The following TP63 variants were observed in gnomAD, a reference collection of about 807,000 sequenced individuals.
The protein encoded by TP63 is tumor protein 63.
TP63 carries 17 observed loss-of-function variants against 82.8 expected under a neutral mutation model. The ratio of observed to expected loss-of-function variants is 0.21; its 90% CI spans 0.14 to 0.31. TP63 has a LOEUF of 0.31. TP63 is among the 10% of genes least tolerant of loss of function. The pLI is 1.00. For synonymous variants in TP63, 330 were observed against 321.7 expected (o/e 1.03, Z -0.28); for missense variants, 648 against 895.3 (o/e 0.72, Z 3.52).
chr3:189,831,927 G>T (rs1460263472), intron 4 of TP63, among the ~76,000 whole-genome samples: 1 of 145,240 alleles, frequency 6.9e-6, no homozygotes, highest in Non-Finnish European at 1.5e-5. Flanking sequence ...CGCCTCCAGG[G>T]TTCAAGTGAT....
At position 189,880,411 on chromosome 3, in the gene TP63, G is replaced by A. The variant is rs546270932; in HGVS notation, c.1350-5983G>A. ...TCTGCAGATTTTGTATCCTTAGACC[G>A]GCCATTGGTGGGTGAGGAACCACTG... On this transcript the variant is annotated intron_variant, in intron 10 of 13. Transcript: ENST00000264731. 7.0e-5 allele frequency: 79 copies of A among 1,121,616 alleles called. 1 individual carries two copies. The African/African-American group carries it at 8.1e-4, about 11-fold the overall frequency. 69.5% of individuals were successfully genotyped at this position (1,121,616 alleles called of 1,614,324 possible).
chr3:189,723,202 C>T (rs1719522501), intron 1 of TP63, among the ~76,000 whole-genome samples: 1 of 152,142 alleles, frequency 6.6e-6, no homozygotes, highest in Admixed American at 6.5e-5. Context: ...CTGGATTCTC[C>T]TTCTCACCAT....
intron 3 of TP63, among the ~76,000 whole-genome samples, chr3:189,767,435 G>A (rs1432115566): frequency 1.3e-5 from 2 of 152,146 alleles, no homozygotes; most frequent in Admixed American, 1.3e-4. Flanking sequence ...TTATGCAGCG[G>A]AATCAGGATG....
In TP63 at chr3:189,826,471, C is replaced by G. The variant is rs188978926; in HGVS notation, c.579+17945C>G. 3.7e-4 allele frequency among the ~76,000 whole-genome samples: 56 copies of G among 152,252 alleles called. 1 individual carries two copies. The East Asian group carries it at 9.7e-3, about 26-fold the overall frequency. On this transcript the variant is annotated intron_variant, in intron 4 of 13. Transcript: ENST00000264731. The stretch of plus-strand genomic sequence containing the variant: ...TTTAACTTTCTGGCATTCCAAGACA[C>G]ATACAGTTTTTATTTGAGGGAAATA...
intron 4 of TP63, among the ~76,000 whole-genome samples, chr3:189,811,250 A>G (rs1727534957): frequency 1.3e-5 from 2 of 152,208 alleles, no homozygotes; most frequent in Admixed American, 1.3e-4. Flanking sequence ...GTGAGATGAT[A>G]GTATTAATAA....
chr3:189,807,721 C>T (rs183042207), intron 3 of TP63, among the ~76,000 whole-genome samples: 3 of 152,286 alleles, frequency 2.0e-5, no homozygotes, highest in Admixed American at 6.5e-5. Context: ...GAAACCAGTC[C>T]TTAGGGGGCT....
At chr3:189,742,316 A>C (rs191916501) in intron 3 of TP63, among the ~76,000 whole-genome samples, 1 of 151,432 alleles carries the variant, frequency 6.6e-6, no homozygotes, top group Admixed American at 6.6e-5. Flanking sequence ...CTGTGTAAGC[A>C]TGCCTGTCAT....
At chr3:189,715,849 C>T (rs1156811928) in intron 1 of TP63, among the ~76,000 whole-genome samples, 4 of 152,298 alleles carry the variant, frequency 2.6e-5, no homozygotes, top group East Asian at 3.9e-4. Flanking sequence ...TCTAAGTCTA[C>T]GTGAGCACTG....
Position 189,676,692 on chromosome 3 carries a change from G to A in TP63, c.62+45115G>A, listed in dbSNP as rs567255876. On this transcript the variant is annotated intron_variant, in intron 1 of 13. Coordinates refer to ENST00000264731, the MANE Select transcript of TP63 (RefSeq NM_003722.5). ...TGGGCTTTTAGTCTAGCCATCACCC[G>A]AATAGTGTACGTCAGGAATCCCCAG... is the stretch of plus-strand genomic sequence containing the variant. 1.3e-4 allele frequency among the ~76,000 whole-genome samples: 20 copies of A among 152,054 alleles called. No homozygotes were observed. The East Asian group carries it at 3.3e-3, about 25-fold the overall frequency.
chr3:189,849,954 T>C (rs1054583095), intron 4 of TP63, among the ~76,000 whole-genome samples: 1 of 152,204 alleles, frequency 6.6e-6, no homozygotes, highest in Non-Finnish European at 1.5e-5. Flanking sequence ...GTGCTACTCA[T>C]AATAATTTAT....
At chr3:189,877,486 G>T (rs1165349982) in intron 10 of TP63, among the ~76,000 whole-genome samples, 7 of 152,152 alleles carry the variant, frequency 4.6e-5, no homozygotes, top group African/African-American at 1.4e-4. Flanking sequence ...CTTTGTTACA[G>T]TCTCGCTTAG....
intron 13 of TP63, among the ~76,000 whole-genome samples, chr3:189,891,216 C>A (rs1453830040): frequency 6.6e-6 from 1 of 152,166 alleles, no homozygotes; most frequent in Non-Finnish European, 1.5e-5. Context: ...TGAGTGTGCT[C>A]ATTAATCTGT....
rs192761584 is a variant in TP63, at chr3:189,828,504, G to A, written c.579+19978G>A. Among the ~76,000 whole-genome samples, 158 of 152,272 alleles carry A rather than the reference G, an allele frequency of 1.0e-3. 1 individual carries two copies. The highest frequency in any genetic ancestry group is 2.2e-3 in the African/African-American group (90 of 41,584). ...AGGTTTGGGGCCTTTTTGGTGCCAT[G>A]CTTTGCTTTCTTTAGTTAGGATTAG... On this transcript the variant is annotated intron_variant, in intron 4 of 13. Transcript: ENST00000264731.
At chr3:189,842,370 T>C (rs890726811) in intron 4 of TP63, among the ~76,000 whole-genome samples, 1 of 152,182 alleles carries the variant, frequency 6.6e-6, no homozygotes, top group South Asian at 2.1e-4. Context: ...GGCTGGAAAT[T>C]AGAAGCCACA....
At chr3:189,745,031 T>C (rs888632047) in intron 3 of TP63, among the ~76,000 whole-genome samples, 1 of 152,154 alleles carries the variant, frequency 6.6e-6, no homozygotes, top group Non-Finnish European at 1.5e-5. Flanking sequence ...GAAGATATTA[T>C]ACAGAGGCTA....
intron 1 of TP63, among the ~76,000 whole-genome samples, chr3:189,674,818 C>G (rs1261138231): frequency 6.6e-6 from 1 of 152,098 alleles, no homozygotes; most frequent in African/African-American, 2.4e-5. Flanking sequence ...GCAGCTAAGG[C>G]TGAAATCAGA....
chr3:189,775,010 GT>G (rs1723670944), intron 3 of TP63, among the ~76,000 whole-genome samples: 1 of 152,126 alleles, frequency 6.6e-6, no homozygotes, highest in South Asian at 2.1e-4. Flanking sequence ...GAGTTCAGGA[GT>G]TTGAGACCAG....
intron 4 of TP63, among the ~76,000 whole-genome samples, chr3:189,849,483 T>A (rs1715351875): frequency 6.6e-6 from 1 of 151,976 alleles, no homozygotes; most frequent in Non-Finnish European, 1.5e-5. Context: ...GGTGAAAAAC[T>A]CCCACACATT....
chr3:189,854,866 A>C (rs929816228), intron 4 of TP63, among the ~76,000 whole-genome samples: 25 of 152,250 alleles, frequency 1.6e-4, no homozygotes, highest in African/African-American at 5.3e-4. Flanking sequence ...CAAATTAATA[A>C]GACAGTAACA....
Sources: gnomAD v4.1 joint callset for allele counts (sites outside exome capture counted in the v4.1 genomes callset) on GRCh38, gnomAD v4.1.1 for gene constraint, MANE v1.5 for transcripts, NCBI Gene and HGNC (gene_info 2026-07-23, HGNC 2026-07-21) for gene names.